Variants in MLLT10 observed in about 807,000 individuals in gnomAD.
MLLT10 encodes MLLT10 histone lysine methyltransferase DOT1L cofactor.
MLLT10 carries 30 observed loss-of-function variants against 129.1 expected under a neutral mutation model. The observed-to-expected ratio is 0.23, with a 90% CI of 0.17 to 0.32. MLLT10 has a LOEUF of 0.32. MLLT10 is among the 10% of genes least tolerant of loss of function. The pLI is 1.00. For missense variants in MLLT10, 1,119 were observed against 1,268.3 expected, an observed-to-expected ratio of 0.88 and a Z score of 1.79; for synonymous variants, 490 against 446.4, an observed-to-expected ratio of 1.10 and a Z score of -1.23.
At chr10:21,594,257 AAGTACCCTTCAGGCT>A (rs2131126744) in intron 4 of MLLT10, among the ~76,000 whole-genome samples, 1 of 152,040 alleles carries the variant, frequency 6.6e-6, no homozygotes, top group Admixed American at 6.6e-5. Flanking sequence ...AGTTTGTCAA[AAGTACCCTTCAGGCT>A]GAGCGTGGTG....
At chr10:21,621,491 C>G (rs906790491) in intron 8 of MLLT10, among the ~76,000 whole-genome samples, 3 of 152,162 alleles carry the variant, frequency 2.0e-5, no homozygotes, top group Non-Finnish European at 2.9e-5. Flanking sequence ...ATGATCCGCC[C>G]CTCTCGGCCT....
chr10:21,684,791 C>T (rs1222429744), intron 13 of MLLT10, among the ~76,000 whole-genome samples: 1 of 152,182 alleles, frequency 6.6e-6, no homozygotes, highest in Non-Finnish European at 1.5e-5. Flanking sequence ...TCGTTGTAAT[C>T]TGATTCTCCA....
chr10:21,615,164 A>G (rs1423136414), intron 7 of MLLT10, among the ~76,000 whole-genome samples: 4 of 152,114 alleles, frequency 2.6e-5, no homozygotes, highest in Admixed American at 6.6e-5. Flanking sequence ...TTTAGAATAT[A>G]TATTAATATT....
At chr10:21,557,022 G>C in intron 3 of MLLT10, 1 of 1,459,588 alleles carries the variant, frequency 6.9e-7, no homozygotes, top group Non-Finnish European at 9.0e-7. Flanking sequence ...CCAAGTACTA[G>C]TCTTCAGTCT....
chr10:21,662,755 G>A (rs2050340686), intron 9 of MLLT10, among the ~76,000 whole-genome samples: 1 of 152,100 alleles, frequency 6.6e-6, no homozygotes, highest in Admixed American at 6.5e-5. Flanking sequence ...GTTTCAAGTT[G>A]AACATTATAT....
intron 3 of MLLT10, among the ~76,000 whole-genome samples, chr10:21,550,215 A>G (rs773702669): frequency 2.6e-5 from 4 of 152,158 alleles, no homozygotes; most frequent in Non-Finnish European, 5.9e-5. Context: ...CATCCTTTAG[A>G]TAATAGATTT....
At chr10:21,603,824 T>A (rs1589183215) in intron 5 of MLLT10, among the ~76,000 whole-genome samples, 1 of 140,524 alleles carries the variant, frequency 7.1e-6, no homozygotes, top group Non-Finnish European at 1.6e-5. Flanking sequence ...TTTTTGTTTT[T>A]TTGTTTTTTT....
At chr10:21,626,541 C>G (rs560583588) in intron 8 of MLLT10, among the ~76,000 whole-genome samples, 57 of 152,116 alleles carry the variant, frequency 3.7e-4, no homozygotes, top group Non-Finnish European at 6.5e-4. Flanking sequence ...GGTAGTAGTC[C>G]CGTAACCCAA....
At chr10:21,599,708 G>A (rs139267394) in intron 5 of MLLT10, among the ~76,000 whole-genome samples, 1,813 of 152,112 alleles carry the variant, frequency 0.012, 14 homozygotes, top group Non-Finnish European at 0.019. Flanking sequence ...GGGACTACAG[G>A]CACACCCATC....
intron 11 of MLLT10, among the ~76,000 whole-genome samples, chr10:21,675,650 G>A (rs2052013725): frequency 6.6e-6 from 1 of 152,134 alleles, no homozygotes; most frequent in South Asian, 2.1e-4. Flanking sequence ...GACAAATTTA[G>A]TCAAAAAATT....
intron 2 of MLLT10, among the ~76,000 whole-genome samples, chr10:21,538,279 C>T (rs913327827): frequency 6.6e-6 from 1 of 151,748 alleles, no homozygotes; most frequent in South Asian, 2.1e-4. Context: ...ATTCTCCTGC[C>T]GCAGCCTCCT....
chr10:21,680,797 C>A (rs1329358452), intron 11 of MLLT10, among the ~76,000 whole-genome samples: 2 of 151,948 alleles, frequency 1.3e-5, no homozygotes, highest in Non-Finnish European at 2.9e-5. Flanking sequence ...CATGGTGAAA[C>A]CCTGTCTCTA....
intron 9 of MLLT10, chr10:21,669,196 A>G (rs1181119946): frequency 1.1e-5 from 8 of 754,734 alleles, no homozygotes; most frequent in South Asian, 9.3e-5. Flanking sequence ...TTTTTATGAA[A>G]TATTTCTTCT....
chr10:21,627,710 A>T (rs1379799196), intron 8 of MLLT10, among the ~76,000 whole-genome samples: 10 of 152,088 alleles, frequency 6.6e-5, no homozygotes, highest in African/African-American at 2.4e-4. Flanking sequence ...TTTCTCTGGG[A>T]GCCATTCTTT....
chr10:21,610,984 C>CTTTTTTTTTTTTTTTTTTTT (rs71393913), intron 5 of MLLT10, among the ~76,000 whole-genome samples: 5 of 102,888 alleles, frequency 4.9e-5, no homozygotes, highest in Non-Finnish European at 9.6e-5. Flanking sequence ...TCTTTTTTCT[C>CTTTTTTTTTTTTTTTTTTTT]TTTTTTTTTT....
chr10:21,582,207 T>C (rs1181173761), intron 3 of MLLT10, among the ~76,000 whole-genome samples: 2 of 152,012 alleles, frequency 1.3e-5, no homozygotes, highest in African/African-American at 2.4e-5. Context: ...CACTGCAGTC[T>C]CCTAGGTTCA....
intron 17 of MLLT10, 30 bp downstream of exon 17, chr10:21,731,084 A>G (rs772739194): frequency 6.3e-7 from 1 of 1,576,814 alleles, no homozygotes; most frequent in Non-Finnish European, 8.6e-7. Flanking sequence ...TATGTGAATC[A>G]AGACAGATGG....
At chr10:21,672,091 G>T (rs1266720670) in intron 10 of MLLT10, among the ~76,000 whole-genome samples, 1 of 151,740 alleles carries the variant, frequency 6.6e-6, no homozygotes, top group Non-Finnish European at 1.5e-5. Flanking sequence ...CAGTAAATAA[G>T]TTGTTGATTA....
chr10:21,628,129 C>T (rs1303380387), intron 8 of MLLT10, among the ~76,000 whole-genome samples: 1 of 152,182 alleles, frequency 6.6e-6, no homozygotes, highest in Non-Finnish European at 1.5e-5. Flanking sequence ...TCCTGCAAGT[C>T]CTGTCAGCTT....
Sources: allele counts gnomAD v4.1 joint callset (sites outside exome capture counted in the v4.1 genomes callset), GRCh38; gene constraint gnomAD v4.1.1; transcripts MANE v1.5; gene names NCBI Gene and HGNC (gene_info 2026-07-23, HGNC 2026-07-21).